The following ADCY7 variants were observed in gnomAD, a reference collection of about 807,000 sequenced individuals.
ADCY7 encodes the protein adenylate cyclase type 7.
Under a neutral mutation model 120.6 loss-of-function variants are expected in ADCY7, and 72 were observed. The ratio of observed to expected loss-of-function variants is 0.60; its 90% CI spans 0.49 to 0.73. ADCY7 has a LOEUF of 0.73. Ranked by LOEUF, ADCY7 falls within the 30% of genes least tolerant of loss-of-function variation. The pLI is 0.00. For synonymous variants in ADCY7, 661 were observed against 628.0 expected (o/e 1.05, Z -0.78); for missense variants, 1,227 against 1,486.0 (o/e 0.83, Z 2.87).
chr16:50,311,813 C>CA (rs767506070), intron 20 of ADCY7, 27 bp downstream of exon 20: 7 of 1,314,882 alleles, frequency 5.3e-6, no homozygotes, highest in East Asian at 2.8e-5. Flanking sequence ...CCCCCCCCCC[C>CA]CCAAGCTCTG....
intron 2 of ADCY7, among the ~76,000 whole-genome samples, chr16:50,289,963 C>T (rs1004058287): frequency 5.9e-5 from 9 of 152,242 alleles, no homozygotes; most frequent in South Asian, 2.1e-4. Context: ...ACGGACCTCC[C>T]GGATGCTGTG....
At position 50,315,574 on chromosome 16, in the gene ADCY7, C is replaced by T; in HGVS notation, c.*69C>T. On this transcript the variant is annotated 3_prime_UTR_variant, in exon 26 of 26. Transcript: ENST00000673801. ...TCCCTGAAGCAAGCCCAGGAGAAGA[C>T]TCTCCGCCCCACGCCAATCCCAAAG... The T allele has an allele frequency of 6.5e-7, 1 of 1,546,348 alleles. No individual in the cohort carries two copies. Among genetic ancestry groups the T allele is most frequent in the Non-Finnish European group, 8.7e-7 (1 of 1,146,490 alleles).
intron 4 of ADCY7, among the ~76,000 whole-genome samples, chr16:50,292,390 C>T (rs968246781): frequency 6.6e-6 from 1 of 152,366 alleles, no homozygotes; most frequent in Admixed American, 6.5e-5. Context: ...GGCGCTGTGC[C>T]CTCTGGGACT....
Position 50,308,376 on chromosome 16 carries a change from C to G in ADCY7, c.1900C>G (p.Leu634Val). 1 of 1,614,114 alleles carries G rather than the reference C, an allele frequency of 6.2e-7. No individual in the cohort carries two copies. Among genetic ancestry groups the G allele is most frequent in the Non-Finnish European group, 8.5e-7 (1 of 1,180,010 alleles). ...SFGLVACVLG[L>V]VLGLCFATKF... ...CGGGCTGGTGGCCTGTGTACTGGGGCTGGTGCTGGGCCTGTGCTTTGCCAC... is the reference window on the plus strand; with the variant it reads ...CGGGCTGGTGGCCTGTGTACTGGGGGTGGTGCTGGGCCTGTGCTTTGCCAC... Residue 634 changes from leucine to valine, a missense_variant, in exon 16 of 26, where the codon CTG becomes GTG. This residue lies in a region of ADCY7 where 267 missense variants were observed against 270.0 expected (regional missense o/e 0.99). Coordinates refer to ENST00000673801, the MANE Select transcript of ADCY7 (RefSeq NM_001114.5).
intron 24 of ADCY7, 190 bp downstream of exon 24, chr16:50,314,596 T>G: frequency 1.8e-6 from 1 of 551,634 alleles, no homozygotes; most frequent in Non-Finnish European, 3.2e-6. Flanking sequence ...CCATTGAGAG[T>G]TTTAATAATA....
chr16:50,258,761 T>A (rs2032984368), intron 1 of ADCY7, among the ~76,000 whole-genome samples: 1 of 151,880 alleles, frequency 6.6e-6, no homozygotes, highest in Admixed American at 6.6e-5. Flanking sequence ...TCAGGCTAAT[T>A]TTTTTTGTAG....
chr16:50,300,801 G>A lies in ADCY7; in HGVS notation c.1163G>A (p.Arg388His), dbSNP rs773824037. ...GTGCTGTGCGGGGTCATCGGGCTGC[G>A]CAAGTGGCAGTATGACGTGTGGTCC... Reference protein sequence around the residue: ...GNVLCGVIGLRKWQYDVWSHD... With the variant: ...GNVLCGVIGLHKWQYDVWSHD... Residue 388 changes from arginine to histidine, a missense_variant, in exon 9 of 26, where the codon CGC (arginine) becomes CAC (histidine). Physicochemically the swap from Arg to His is conservative, Grantham distance 29. Coordinates refer to ENST00000673801, the MANE Select transcript of ADCY7 (RefSeq NM_001114.5). 2.6e-6 allele frequency: 4 copies of A among 1,555,500 alleles called. No individual in the cohort carries two copies. The highest frequency in any genetic ancestry group is 1.2e-5 in the South Asian group (1 of 84,318).
intron 1 of ADCY7, chr16:50,246,226 C>A (rs988312117): frequency 6.7e-6 from 1 of 149,356 alleles, no homozygotes; most frequent in Non-Finnish European, 1.5e-5. Flanking sequence ...CGCGGGGGAG[C>A]GCGGCGGGCG....
At chr16:50,303,828 C>A (rs113349398) in intron 10 of ADCY7, among the ~76,000 whole-genome samples, 2 of 152,122 alleles carry the variant, frequency 1.3e-5, no homozygotes, top group Non-Finnish European at 2.9e-5. Context: ...TTTCTCGGGG[C>A]GGCTAGCACC....
chr16:50,287,892 T>C lies in ADCY7; in HGVS notation c.-268-20T>C, dbSNP rs1272765833. The C allele has an allele frequency of 2.8e-6, 1 of 361,766 alleles. No individual in the cohort carries two copies. The highest frequency in any genetic ancestry group is 4.5e-5 in the East Asian group (1 of 22,452). 22.4% of individuals were successfully genotyped at this position (361,766 alleles called of 1,614,324 possible). A position where few individuals can be genotyped will look rare whatever the true frequency, so the allele number is the denominator to read the frequency against. On this transcript the variant is annotated intron_variant, in intron 1 of 25. Coordinates refer to ENST00000673801, the MANE Select transcript of ADCY7 (RefSeq NM_001114.5). Reference sequence around the variant, plus strand: ...GACTTGGACCATTAGGTCAAGTTCCTGTCTGCTTCGTCTCCGCAGAGCTGA... The same window carrying C: ...GACTTGGACCATTAGGTCAAGTTCCCGTCTGCTTCGTCTCCGCAGAGCTGA...
rs1368186249 is a variant in ADCY7 at position 50,315,221 on chromosome 16, T to C, written c.3096+83T>C. The stretch of plus-strand genomic sequence containing the variant: ...GGGGACTTGGACTTAAGAGCTGCTG[T>C]CTCACCCAGCAGCCATGGTTCTAGC... On this transcript the variant is annotated intron_variant, in intron 25 of 25. Transcript: ENST00000673801. 3.2e-6 allele frequency: 5 copies of C among 1,576,848 alleles called. No individual in the cohort carries two copies. The African/African-American group carries it at 5.4e-5, about 17-fold the overall frequency.
chr16:50,282,401 C>T lies in ADCY7; in HGVS notation c.-268-5511C>T, dbSNP rs554725951. On this transcript the variant is annotated intron_variant, in intron 1 of 25. Transcript: ENST00000673801. ...TCTGGCTGGAGAACCTGGACCCAGCCAGCCAGTATTTGATAAGGAGACCAC... is the reference window on the plus strand; with the variant it reads ...TCTGGCTGGAGAACCTGGACCCAGCTAGCCAGTATTTGATAAGGAGACCAC... 3.3e-5 allele frequency among the ~76,000 whole-genome samples: 5 copies of T among 152,254 alleles called. No homozygotes were observed. The South Asian group carries it at 1.0e-3, about 32-fold the overall frequency.
At chr16:50,245,327 A>G (rs1320310688), upstream of ADCY7, among the ~76,000 whole-genome samples, 1 of 152,104 alleles carries the variant, frequency 6.6e-6, no homozygotes, top group Non-Finnish European at 1.5e-5. Flanking sequence ...GGGAACCCCC[A>G]ATTCCTGGGT....
At chr16:50,300,965 G>A in intron 9 of ADCY7, 92 bp downstream of exon 9, 1 of 1,532,820 alleles carries the variant, frequency 6.5e-7, no homozygotes, top group Non-Finnish European at 8.8e-7. Flanking sequence ...CAGGTGTGGA[G>A]GGAGAGATGA....
intron 1 of ADCY7, among the ~76,000 whole-genome samples, chr16:50,280,797 C>T (rs1233595819): frequency 2.0e-5 from 3 of 152,226 alleles, no homozygotes; most frequent in East Asian, 3.8e-4. Flanking sequence ...AGGTCTGACA[C>T]AGCCCCTCCT....
chr16:50,300,631 G>A lies in ADCY7; in HGVS notation c.1077-84G>A, dbSNP rs761426660. On this transcript the variant is annotated intron_variant, in intron 8 of 25. Coordinates refer to ENST00000673801, the MANE Select transcript of ADCY7 (RefSeq NM_001114.5). ...AGCGCCTGCCCTGTTCCCACATGCT[G>A]CCCTGTACCCACCCCACACCTGGGA... 1.5e-3 allele frequency: 2,308 copies of A among 1,495,932 alleles called. 4 individuals carry two copies. The highest frequency in any genetic ancestry group is 2.0e-3 in the Non-Finnish European group (2,216 of 1,110,814). 92.7% of individuals were successfully genotyped at this position (1,495,932 alleles called of 1,614,324 possible). A position where few individuals can be genotyped will look rare whatever the true frequency, so the allele number is the denominator to read the frequency against.
intron 1 of ADCY7, among the ~76,000 whole-genome samples, chr16:50,268,062 A>G (rs537200796): frequency 1.4e-4 from 22 of 152,096 alleles, no homozygotes; most frequent in Admixed American, 7.2e-4. Context: ...TTGTGGAGGT[A>G]GCGTCTCCGG....
At chr16:50,306,747 C>T (rs2036092656) in intron 14 of ADCY7, among the ~76,000 whole-genome samples, 1 of 152,032 alleles carries the variant, frequency 6.6e-6, no homozygotes, top group Non-Finnish European at 1.5e-5. Flanking sequence ...TGTCTTCAAA[C>T]AGGAAAAAGC....
chr16:50,307,008 G>A, intron 14 of ADCY7, 42 bp from the exon 15 acceptor site: 1 of 1,516,818 alleles, frequency 6.6e-7, no homozygotes, highest in East Asian at 2.3e-5. Context: ...TGGGCAAGTG[G>A]CACTGCTGGT....
Sources: gnomAD v4.1 joint callset for allele counts (sites outside exome capture counted in the v4.1 genomes callset) on GRCh38, gnomAD v4.1.1 for gene constraint, gnomAD v4.1.1 regional missense constraint, MANE v1.5 for transcripts, NCBI Gene and HGNC (gene_info 2026-07-23, HGNC 2026-07-21) for gene names.